The following ATP8B4 variants were observed in gnomAD, a reference collection of about 807,000 sequenced individuals.
ATP8B4 encodes ATPase phospholipid transporting 8B4 (putative), also known as probable phospholipid-transporting ATPase IM.
Under a neutral mutation model 145.6 loss-of-function variants are expected in ATP8B4, and 133 were observed. That is an observed-to-expected ratio of 0.91 (90% CI 0.79 to 1.05). The LOEUF (loss-of-function observed/expected upper bound fraction) is 1.05, where lower values mean the gene tolerates loss of function less well. Among genes scored for constraint, ATP8B4 ranks in the 50% least tolerant of loss-of-function variants. The pLI is 0.00. For synonymous variants in ATP8B4, 507 were observed against 492.9 expected (o/e 1.03, Z -0.38); for missense variants, 1,458 against 1,425.2 (o/e 1.02, Z -0.37).
chr15:49,901,008 AAAG>A, intron 21 of ATP8B4, 81 bp downstream of exon 21: 1 of 1,489,766 alleles, frequency 6.7e-7, no homozygotes, highest in Non-Finnish European at 9.1e-7. Flanking sequence ...TGGAAAAGAC[AAAG>A]GAGGTCTCAT....
chr15:50,002,303 C>G, intron 7 of ATP8B4, 80 bp from the exon 8 acceptor site: 3 of 1,141,120 alleles, frequency 2.6e-6, no homozygotes, highest in Non-Finnish European at 3.8e-6. Flanking sequence ...CACCTCTTGA[C>G]TACTAAAGAG....
At chr15:50,074,334 A>G (rs934097004) in intron 2 of ATP8B4, 149 bp from the exon 3 acceptor site, 5 of 659,222 alleles carry the variant, frequency 7.6e-6, no homozygotes, top group Non-Finnish European at 1.0e-5. Flanking sequence ...TTTCCAGTGT[A>G]CATGTTGGAA....
rs77274804 is a variant in ATP8B4 at position 49,876,273 on chromosome 15, G to A, written c.3027+5C>T. 56 of 1,613,356 alleles carry A rather than the reference G, an allele frequency of 3.5e-5. No homozygotes were observed. The African/African-American group carries it at 5.7e-4, about 17-fold the overall frequency. Reference sequence around the variant, plus strand: ...AAGTTAAGGTGCTTACACCGACAGCGTTACCTGCACACTGACCACAATGAC... The same window carrying A: ...AAGTTAAGGTGCTTACACCGACAGCATTACCTGCACACTGACCACAATGAC... On this transcript the variant is annotated splice_donor_5th_base_variant and intron_variant, in intron 25 of 27. Transcript: ENST00000284509.
Position 49,961,821 on chromosome 15 carries a change from A to G in ATP8B4, c.1287+156T>C, listed in dbSNP as rs569042046. Among the ~76,000 whole-genome samples, 52 of 152,220 alleles carry G rather than the reference A, an allele frequency of 3.4e-4. No homozygotes were observed. In the South Asian group the frequency reaches 0.011, roughly 31 times the overall value. ...CTGTGGTTGGTTCAGTAATATGAGA[A>G]GGAATTTTGAATCATATTAATCTAT... On this transcript the variant is annotated intron_variant, in intron 14 of 27. Transcript: ENST00000284509.
At chr15:50,017,444 G>T (rs964177708) in intron 6 of ATP8B4, among the ~76,000 whole-genome samples, 2 of 152,034 alleles carry the variant, frequency 1.3e-5, no homozygotes, top group African/African-American at 4.8e-5. Context: ...AAAAATCAGA[G>T]AATTCACTCT....
At chr15:50,155,734 C>T (rs1027416963) in intron 1 of ATP8B4, among the ~76,000 whole-genome samples, 3 of 151,904 alleles carry the variant, frequency 2.0e-5, no homozygotes, top group Non-Finnish European at 2.9e-5. Context: ...TATACACACA[C>T]AAAGATCTTA....
At chr15:49,895,002 T>G (rs1361935883) in intron 23 of ATP8B4, 1 of 152,226 alleles carries the variant, frequency 6.6e-6, no homozygotes, top group Non-Finnish European at 1.5e-5. Flanking sequence ...CTGGCTAAAC[T>G]GGGGAAAGAA....
At chr15:50,029,680 T>C (rs1567226397) in intron 6 of ATP8B4, among the ~76,000 whole-genome samples, 1 of 152,190 alleles carries the variant, frequency 6.6e-6, no homozygotes, top group Non-Finnish European at 1.5e-5. Context: ...TAATCTCGAT[T>C]ATTGTTAAAA....
chr15:50,038,685 T>G, intron 6 of ATP8B4, 83 bp downstream of exon 6: 1 of 1,057,232 alleles, frequency 9.5e-7, no homozygotes, highest in Non-Finnish European at 1.4e-6. Flanking sequence ...ATGTATCTAA[T>G]TAAAAGAGAA....
At chr15:50,131,557 A>G (rs2044047463) in intron 1 of ATP8B4, among the ~76,000 whole-genome samples, 1 of 152,124 alleles carries the variant, frequency 6.6e-6, no homozygotes, top group South Asian at 2.1e-4. Flanking sequence ...AAGGAACCAG[A>G]TATGTCTGAT....
rs548293649 is a variant in ATP8B4 at position 50,070,927 on chromosome 15, T to G, written c.87+3200A>C. 1.1e-4 allele frequency among the ~76,000 whole-genome samples: 16 copies of G among 152,072 alleles called. 1 individual carries two copies. The South Asian group carries it at 3.3e-3, about 32-fold the overall frequency. ...CTGGCTAATTTTTGTATTTTTAGTA[T>G]AGACAGGGTTTCACCATATTGGCCA... On this transcript the variant is annotated intron_variant, in intron 3 of 27. Transcript: ENST00000284509.
At chr15:49,981,367 T>C (rs1458174561) in intron 10 of ATP8B4, 73 bp from the exon 11 acceptor site, 3 of 1,166,538 alleles carry the variant, frequency 2.6e-6, no homozygotes, top group East Asian at 2.4e-5. Context: ...TCATATCAAA[T>C]GTCTCTGAAA....
intron 14 of ATP8B4, among the ~76,000 whole-genome samples, chr15:49,959,320 G>A (rs182940037): frequency 3.1e-4 from 47 of 151,928 alleles, no homozygotes; most frequent in Admixed American, 6.5e-4. Context: ...TTATGGAATA[G>A]ATGAATATTC....
chr15:50,033,023 GA>G, intron 6 of ATP8B4, among the ~76,000 whole-genome samples: 1 of 152,286 alleles, frequency 6.6e-6, no homozygotes, highest in East Asian at 1.9e-4. Context: ...ACTCAAACTA[GA>G]AAAGTTGATT....
intron 14 of ATP8B4, among the ~76,000 whole-genome samples, chr15:49,936,116 A>G (rs1251398348): frequency 6.6e-6 from 1 of 152,164 alleles, no homozygotes; most frequent in Non-Finnish European, 1.5e-5. Context: ...AAAGATATGT[A>G]CATAAGTCTG....
chr15:49,886,973 C>T (rs2036266846), intron 23 of ATP8B4, among the ~76,000 whole-genome samples: 1 of 152,078 alleles, frequency 6.6e-6, no homozygotes, highest in Non-Finnish European at 1.5e-5. Context: ...CCATGCCTGG[C>T]TAATTTTTGT....
intron 1 of ATP8B4, among the ~76,000 whole-genome samples, chr15:50,135,762 A>G (rs1388331429): frequency 1.3e-5 from 2 of 152,238 alleles, no homozygotes; most frequent in South Asian, 2.1e-4. Flanking sequence ...GTTGAAGCAG[A>G]GTACCATAAA....
At chr15:50,022,567 T>C (rs1197057202) in intron 6 of ATP8B4, among the ~76,000 whole-genome samples, 1 of 152,212 alleles carries the variant, frequency 6.6e-6, no homozygotes, top group Non-Finnish European at 1.5e-5. Flanking sequence ...CCCAACAAAA[T>C]TGGCTGTATT....
chr15:50,058,343 A>G (rs1284980899), intron 3 of ATP8B4, among the ~76,000 whole-genome samples: 2 of 152,158 alleles, frequency 1.3e-5, no homozygotes, highest in Non-Finnish European at 2.9e-5. Context: ...AACTTTGGAC[A>G]ACTTAGTGCA....
Sources: gnomAD v4.1 joint callset for allele counts (sites outside exome capture counted in the v4.1 genomes callset) on GRCh38, gnomAD v4.1.1 for gene constraint, MANE v1.5 for transcripts, NCBI Gene and HGNC (gene_info 2026-07-23, HGNC 2026-07-21) for gene names.